The following STT3B variants were observed in gnomAD, a reference collection of about 807,000 sequenced individuals.
STT3B encodes the protein dolichyl-diphosphooligosaccharide--protein glycosyltransferase subunit STT3B.
STT3B carries 29 observed loss-of-function variants against 96.8 expected under a neutral mutation model. The ratio of observed to expected loss-of-function variants is 0.30; its 90% CI spans 0.22 to 0.41. STT3B has a LOEUF of 0.41. STT3B is among the 10% of genes least tolerant of loss of function. STT3B has a pLI of 1.00. For missense variants in STT3B, 640 were observed against 1,022.3 expected, an observed-to-expected ratio of 0.63 and a Z score of 5.10; for synonymous variants, 367 against 360.0, an observed-to-expected ratio of 1.02 and a Z score of -0.22.
chr3:31,627,640 C>T (rs564159286), intron 13 of STT3B, among the ~76,000 whole-genome samples: 26 of 152,168 alleles, frequency 1.7e-4, no homozygotes, highest in Non-Finnish European at 2.9e-4. Flanking sequence ...GAAGTAAAGC[C>T]TCAGATTTCC....
intron 4 of STT3B, among the ~76,000 whole-genome samples, chr3:31,598,091 C>T (rs1698834521): frequency 6.6e-6 from 1 of 152,098 alleles, no homozygotes; most frequent in African/African-American, 2.4e-5. Flanking sequence ...CTGTCTCAGC[C>T]TCCCAAAGTG....
At chr3:31,550,680 G>A (rs1449662197) in intron 1 of STT3B, among the ~76,000 whole-genome samples, 1 of 152,082 alleles carries the variant, frequency 6.6e-6, no homozygotes, top group Non-Finnish European at 1.5e-5. Context: ...TCTCTCATGA[G>A]TTTCCATATT....
chr3:31,611,645 C>T lies in STT3B; in HGVS notation c.878-3460C>T, dbSNP rs754983602. Among the ~76,000 whole-genome samples, 29 of 152,098 alleles carry T rather than the reference C, an allele frequency of 1.9e-4. 1 individual carries two copies. The highest frequency in any genetic ancestry group is 6.2e-4 in the South Asian group (3 of 4,818). ...CCAAGTAGCTGGGATTACAGGCACG[C>T]GCCACCACACCCAGCTAATTTTTGT... On this transcript the variant is annotated intron_variant, in intron 5 of 15. Transcript: ENST00000295770.
chr3:31,592,015 A>G (rs1327974783), intron 3 of STT3B, among the ~76,000 whole-genome samples: 1 of 152,098 alleles, frequency 6.6e-6, no homozygotes, highest in Non-Finnish European at 1.5e-5. Flanking sequence ...TATATACTTT[A>G]TTGGCATTAA....
chr3:31,635,153 CCT>C (rs1408983063), intron 15 of STT3B, among the ~76,000 whole-genome samples: 2 of 152,072 alleles, frequency 1.3e-5, no homozygotes, highest in Admixed American at 1.3e-4. Context: ...GAGTCTTCTG[CCT>C]CTGTTAACCC....
chr3:31,613,622 T>C (rs769800810), intron 5 of STT3B, among the ~76,000 whole-genome samples: 44 of 151,326 alleles, frequency 2.9e-4, no homozygotes, highest in Non-Finnish European at 5.5e-4. Context: ...CATAGTGATC[T>C]TCTTCTCAGT....
At chr3:31,622,443 C>T (rs925165063) in intron 10 of STT3B, 135 bp downstream of exon 10, 11 of 720,986 alleles carry the variant, frequency 1.5e-5, no homozygotes, top group Non-Finnish European at 2.0e-5. Flanking sequence ...AGTTGGTCTC[C>T]ACTGTTTGCC....
chr3:31,579,968 C>G lies in STT3B; in HGVS notation c.583C>G (p.Gln195Glu). 6.2e-7 allele frequency: 1 copy of G among 1,613,848 alleles called. No individual in the cohort carries two copies. The highest frequency in any genetic ancestry group is 8.5e-7 in the Non-Finnish European group (1 of 1,179,828). Reference sequence around the variant, plus strand: ...CCTGCTTACAAGAGAACTTTGGAACCAAGGAGCAGGACTTTTAGCTGCTTG... The same window carrying G: ...CCTGCTTACAAGAGAACTTTGGAACGAAGGAGCAGGACTTTTAGCTGCTTG... ...TFLLTRELWN[Q>E]GAGLLAACFI... is the part of the protein sequence containing the mutation. Residue 195 changes from glutamine (Q) to glutamate (E), a missense_variant, in exon 3 of 16, where the codon CAA becomes GAA. This residue lies in a region of STT3B where 267 missense variants were observed against 388.3 expected (regional missense o/e 0.69). Transcript: ENST00000295770.
intron 1 of STT3B, among the ~76,000 whole-genome samples, chr3:31,557,533 T>C (rs1284632013): frequency 1.3e-5 from 2 of 152,210 alleles, no homozygotes; most frequent in East Asian, 3.8e-4. Flanking sequence ...TTTGTTTGTG[T>C]CCCTTTAATT....
chr3:31,582,660 T>G (rs919974048), intron 3 of STT3B, among the ~76,000 whole-genome samples: 5 of 152,148 alleles, frequency 3.3e-5, no homozygotes, highest in African/African-American at 1.2e-4. Flanking sequence ...AGATTTTTTT[T>G]TTTGTTTTTG....
intron 1 of STT3B, among the ~76,000 whole-genome samples, chr3:31,535,376 T>C (rs1697063198): frequency 1.3e-5 from 2 of 151,960 alleles, no homozygotes; most frequent in Admixed American, 1.3e-4. Flanking sequence ...AAAAGTTTTC[T>C]TTTTCCAGCT....
chr3:31,551,994 C>A (rs1227647509), intron 1 of STT3B, among the ~76,000 whole-genome samples: 2 of 152,254 alleles, frequency 1.3e-5, no homozygotes, highest in East Asian at 3.9e-4. Context: ...CCTGAGTGAG[C>A]TTGGAAGCAG....
chr3:31,622,252 G>A lies in STT3B; in HGVS notation c.1483G>A (p.Val495Met), dbSNP rs369285498. Reference sequence around the variant, plus strand: ...TGACATGAAAAGGGAAAATCCACCTGTGGAGGACAGCAGTGATGAGGATGA... The same window carrying A: ...TGACATGAAAAGGGAAAATCCACCTATGGAGGACAGCAGTGATGAGGATGA... ...GDDMKRENPPVEDSSDEDDKR... is the reference protein window; with the variant it reads ...GDDMKRENPPMEDSSDEDDKR... Residue 495 changes from valine (V) to methionine (M), a missense_variant, in exon 10 of 16, where the codon GTG becomes ATG. Physicochemically the swap from Val to Met is conservative, Grantham distance 21 (BLOSUM62 1). Coordinates refer to ENST00000295770, the MANE Select transcript of STT3B (RefSeq NM_178862.3). 9.9e-6 allele frequency: 16 copies of A among 1,614,030 alleles called. No individual in the cohort carries two copies. The African/African-American group carries it at 1.7e-4, about 18-fold the overall frequency.
chr3:31,536,072 G>GT (rs952628338), intron 1 of STT3B, among the ~76,000 whole-genome samples: 104 of 151,026 alleles, frequency 6.9e-4, no homozygotes, highest in African/African-American at 2.3e-3. Context: ...CCTTGTTCTT[G>GT]TTTTTTTTTC....
intron 13 of STT3B, among the ~76,000 whole-genome samples, chr3:31,626,893 G>T (rs530439189): frequency 6.6e-6 from 1 of 152,140 alleles, no homozygotes; most frequent in South Asian, 2.1e-4. Flanking sequence ...GCCTTCCTTT[G>T]CTGGTGTCTT....
intron 1 of STT3B, among the ~76,000 whole-genome samples, chr3:31,545,579 C>T (rs1336442143): frequency 2.0e-5 from 3 of 152,030 alleles, no homozygotes; most frequent in African/African-American, 7.2e-5. Context: ...ACCACAAAAC[C>T]AGAACATTAC....
At chr3:31,533,551 C>T in intron 1 of STT3B, 1 of 389,094 alleles carries the variant, frequency 2.6e-6, no homozygotes, top group Non-Finnish European at 4.1e-6. Flanking sequence ...GATTCTCGGC[C>T]GGGCTAGTGT....
At chr3:31,575,332 G>A in intron 1 of STT3B, among the ~76,000 whole-genome samples, 1 of 151,914 alleles carries the variant, frequency 6.6e-6, no homozygotes, top group Non-Finnish European at 1.5e-5. Context: ...CTCTTTCAGA[G>A]TTAATATAAC....
intron 1 of STT3B, among the ~76,000 whole-genome samples, chr3:31,545,369 A>C (rs1387328042): frequency 6.6e-6 from 1 of 152,228 alleles, no homozygotes. Context: ...TTTTGGAATA[A>C]TCATTCTGGA....
Sources: allele counts gnomAD v4.1 joint callset (sites outside exome capture counted in the v4.1 genomes callset), GRCh38; gene constraint gnomAD v4.1.1; regional missense constraint gnomAD v4.1.1; transcripts MANE v1.5; gene names NCBI Gene and HGNC (gene_info 2026-07-23, HGNC 2026-07-21).